Variants in PLAC1 observed in about 807,000 individuals in gnomAD.
PLAC1 encodes placenta-specific protein 1.
For synonymous variants in PLAC1, 68 were observed against 62.1 expected, an observed-to-expected ratio of 1.09 and a Z score of -0.44; for missense variants, 136 against 163.2, an observed-to-expected ratio of 0.83 and a Z score of 0.91.
intron 2 of PLAC1, among the ~76,000 whole-genome samples, chrX:134,704,793 C>A (rs937604562): frequency 8.7e-5 from 9 of 103,130 alleles, no homozygotes; most frequent in African/African-American, 3.2e-4. Flanking sequence ...GAGTTAGAGA[C>A]CAGCCTGACC....
chrX:134,747,633 AG>A (rs1475043568), intron 1 of PLAC1, among the ~76,000 whole-genome samples: 1 of 111,446 alleles, frequency 9.0e-6, no homozygotes, highest in African/African-American at 3.3e-5. Flanking sequence ...TCCTGGCCTG[AG>A]AGTCAGGAAA....
At chrX:134,580,925 G>C (rs2077970888) in intron 2 of PLAC1, among the ~76,000 whole-genome samples, 1 of 111,800 alleles carries the variant, frequency 8.9e-6, no homozygotes, top group African/African-American at 3.3e-5. Flanking sequence ...AAAGCCACCA[G>C]ATACGGCAAC....
intron 1 of PLAC1, among the ~76,000 whole-genome samples, chrX:134,609,920 C>T (rs1355150353): frequency 1.8e-5 from 2 of 111,635 alleles, no homozygotes; most frequent in African/African-American, 3.3e-5. Flanking sequence ...TTTGAGGAGA[C>T]AAAGTTCAGT....
chrX:134,587,354 TG>T (rs1231147605), intron 2 of PLAC1, among the ~76,000 whole-genome samples: 1 of 110,107 alleles, frequency 9.1e-6, no homozygotes, highest in African/African-American at 3.3e-5. Flanking sequence ...GCCAGGAGTT[TG>T]AGACCAGCTT....
At chrX:134,742,073 T>C (rs772022741) in intron 1 of PLAC1, among the ~76,000 whole-genome samples, 1 of 112,385 alleles carries the variant, frequency 8.9e-6, no homozygotes, top group African/African-American at 3.2e-5. Flanking sequence ...TTTTCCACCC[T>C]CATGCAGTCA....
intron 2 of PLAC1, among the ~76,000 whole-genome samples, chrX:134,714,859 T>G (rs902387821): frequency 8.9e-6 from 1 of 112,245 alleles, no homozygotes; most frequent in South Asian, 3.7e-4. Context: ...TTCCATTGCA[T>G]GTGTGTACCA....
At chrX:134,600,644 C>T (rs1322457619) in intron 2 of PLAC1, among the ~76,000 whole-genome samples, 1 of 109,854 alleles carries the variant, frequency 9.1e-6, no homozygotes, top group Admixed American at 9.7e-5. Flanking sequence ...GAGTGAGACC[C>T]GATCTCATTT....
At chrX:134,631,771 T>C (rs2078263685) in intron 1 of PLAC1, among the ~76,000 whole-genome samples, 1 of 112,023 alleles carries the variant, frequency 8.9e-6, no homozygotes, top group Non-Finnish European at 1.9e-5. Context: ...TCATCTGTGA[T>C]AGTTACAGAC....
At chrX:134,631,002 A>G (rs982425374) in intron 1 of PLAC1, among the ~76,000 whole-genome samples, 8 of 111,854 alleles carry the variant, frequency 7.2e-5, no homozygotes, top group Non-Finnish European at 1.3e-4. Flanking sequence ...TGAAACGTCC[A>G]GAATAGGCAA....
intron 1 of PLAC1, among the ~76,000 whole-genome samples, chrX:134,609,046 C>T (rs1242714017): frequency 1.8e-5 from 2 of 110,776 alleles, no homozygotes; most frequent in African/African-American, 6.6e-5. Flanking sequence ...AATCATGGCT[C>T]ACTGTAGCCT....
intron 1 of PLAC1, among the ~76,000 whole-genome samples, chrX:134,616,405 G>A (rs2078180032): frequency 8.9e-6 from 1 of 111,743 alleles, no homozygotes; most frequent in Admixed American, 9.4e-5. Context: ...GGGAGGCCGA[G>A]GCAGGCAGAT....
chrX:134,708,379 C>A (rs1362613012), intron 2 of PLAC1, among the ~76,000 whole-genome samples: 1 of 110,959 alleles, frequency 9.0e-6, no homozygotes, highest in Non-Finnish European at 1.9e-5. Flanking sequence ...AAGTCACATA[C>A]TGTATTATTT....
At chrX:134,749,038 T>C (rs1178473289) in intron 1 of PLAC1, among the ~76,000 whole-genome samples, 1 of 112,149 alleles carries the variant, frequency 8.9e-6, no homozygotes, top group East Asian at 2.8e-4. Flanking sequence ...AGAATCAGGC[T>C]GGGCATGGTG....
intron 2 of PLAC1, among the ~76,000 whole-genome samples, chrX:134,572,492 C>T (rs1167820835): frequency 1.8e-5 from 2 of 111,911 alleles, no homozygotes; most frequent in African/African-American, 3.2e-5. Context: ...TTAAAGTAAC[C>T]GCACATTATT....
At chrX:134,586,988 G>A (rs146044777) in intron 2 of PLAC1, among the ~76,000 whole-genome samples, 187 of 109,864 alleles carry the variant, frequency 1.7e-3, no homozygotes, top group African/African-American at 6.2e-3. Context: ...ATGAGACACC[G>A]CGCCCAGCCC....
intron 1 of PLAC1, among the ~76,000 whole-genome samples, chrX:134,655,307 TTC>T (rs1484738373): frequency 2.9e-5 from 3 of 102,042 alleles, no homozygotes; most frequent in African/African-American, 1.1e-4. Context: ...TGCTGTGTAG[TTC>T]TGTTTCTATC....
chrX:134,715,402 C>T (rs763454501), intron 2 of PLAC1, among the ~76,000 whole-genome samples: 61 of 110,937 alleles, frequency 5.5e-4, no homozygotes, highest in Non-Finnish European at 9.6e-4. Context: ...CCAGTGGCCA[C>T]GTGCACTTGG....
chrX:134,577,593 G>A lies in PLAC1; in HGVS notation c.-58-10853C>T, dbSNP rs373859774. ...AGTCCCAGCTACTCTGGAGGCTGAG[G>A]CAGGAGAATCGCTTGAACTGGGGGG... is the stretch of plus-strand genomic sequence containing the variant. On this transcript the variant is annotated intron_variant, in intron 2 of 2. Coordinates refer to ENST00000359237, the MANE Select transcript of PLAC1 (RefSeq NM_021796.4). Among the ~76,000 whole-genome samples, 44 of 111,637 alleles carry A rather than the reference G, an allele frequency of 3.9e-4. 1 individual carries two copies. The highest frequency in any genetic ancestry group is 1.4e-3 in the African/African-American group (43 of 30,687).
At chrX:134,738,222 G>A (rs1310102246) in intron 1 of PLAC1, among the ~76,000 whole-genome samples, 1 of 112,055 alleles carries the variant, frequency 8.9e-6, no homozygotes, top group Admixed American at 9.5e-5. Flanking sequence ...GGAAGGTGGC[G>A]TGTTAACAGC....
Sources: gnomAD v4.1 joint callset for allele counts (sites outside exome capture counted in the v4.1 genomes callset) on GRCh38, gnomAD v4.1.1 for gene constraint, MANE v1.5 for transcripts, NCBI Gene and HGNC (gene_info 2026-07-23, HGNC 2026-07-21) for gene names.